Variants in DAGLB observed in about 807,000 individuals in gnomAD.
DAGLB encodes diacylglycerol lipase-beta.
DAGLB carries 66 observed loss-of-function variants against 72.1 expected under a neutral mutation model. The ratio of observed to expected loss-of-function variants is 0.92; its 90% CI spans 0.75 to 1.12. The LOEUF (loss-of-function observed/expected upper bound fraction) is 1.12. Among genes scored for constraint, DAGLB ranks in the 50% most tolerant of loss-of-function variants. The probability of loss-of-function intolerance (pLI) is 0.00; values close to 1 mark genes in which losing one functional copy is unlikely to be tolerated. For synonymous variants in DAGLB, 414 were observed against 359.5 expected (o/e 1.15, Z -1.71); for missense variants, 1,065 against 884.9 (o/e 1.20, Z -2.58).
intron 5 of DAGLB, among the ~76,000 whole-genome samples, chr7:6,432,610 C>T (rs1048529289): frequency 1.4e-5 from 2 of 141,842 alleles, no homozygotes; most frequent in African/African-American, 2.6e-5. Context: ...CAGTAAGCCG[C>T]GATTGTGCCA....
chr7:6,445,016 C>T (rs1784951628), intron 2 of DAGLB, among the ~76,000 whole-genome samples: 1 of 152,176 alleles, frequency 6.6e-6, no homozygotes, highest in South Asian at 2.1e-4. Context: ...CAATTAGAAC[C>T]CTTATACACT....
In DAGLB at chr7:6,410,004, C is replaced by T. The variant is rs371012241; in HGVS notation, c.1852G>A (p.Ala618Thr). The T allele has an allele frequency of 8.3e-5, 134 of 1,613,870 alleles. No individual in the cohort carries two copies. Among genetic ancestry groups the T allele is most frequent in the Non-Finnish European group, 9.7e-5 (114 of 1,179,964 alleles). The change falls in exon 15 of 15, where the codon GCC (alanine) becomes ACC (threonine). Residue 618 changes from alanine to threonine, a missense_variant. Transcript: ENST00000297056. ...FGCCSAAHYS[A>T]KWSHEAEFSK... ...AATTCCGCTTCGTGTGACCACTTGG[C>T]GCTATAGTGAGCAGCAGAGCAGCAG...
At chr7:6,442,748 G>T (rs992378235) in intron 2 of DAGLB, among the ~76,000 whole-genome samples, 12 of 152,098 alleles carry the variant, frequency 7.9e-5, no homozygotes, top group African/African-American at 2.9e-4. Flanking sequence ...TGTTTCTAGA[G>T]GCATACTAAA....
chr7:6,409,969 T>C lies in DAGLB; in HGVS notation c.1887A>G (p.Ile629Met), dbSNP rs767269752. 2 of 1,613,984 alleles carry C rather than the reference T, an allele frequency of 1.2e-6. No homozygotes were observed. The highest frequency in any genetic ancestry group is 1.7e-6 in the Non-Finnish European group (2 of 1,180,006). ...KWSHEAEFSK[I>M]LIGPKMLTDH... is the part of the protein sequence containing the mutation. ...CGGTGAGCATCTTCGGACCTATGAG[T>C]ATTTTGCTGAATTCCGCTTCGTGTG... Residue 629 changes from isoleucine (I) to methionine (M), a missense_variant, in exon 15 of 15, where the codon ATA becomes ATG. Transcript: ENST00000297056.
At chr7:6,416,234 T>G (rs185017292) in intron 11 of DAGLB, 10 of 161,392 alleles carry the variant, frequency 6.2e-5, no homozygotes, top group Admixed American at 5.6e-4. Flanking sequence ...CTTTCTTCTG[T>G]GAAATAGCGC....
chr7:6,426,049 G>A lies in DAGLB; in HGVS notation c.995C>T (p.Ser332Phe). 1 of 1,614,108 alleles carries A rather than the reference G, an allele frequency of 6.2e-7. No homozygotes were observed. The highest frequency in any genetic ancestry group is 8.5e-7 in the Non-Finnish European group (1 of 1,180,014). ...CTGCAGCCCTGTGGTGTGCAGGATG[G>A]AGCCGAAGTGACAGTTGAGCTGATC... ...GGDQLNCHFG[S>F]ILHTTGLQYR... is the part of the protein sequence containing the mutation. Residue 332 changes from serine to phenylalanine, a missense_variant, in exon 7 of 15, where the codon TCC becomes TTC. By Grantham distance (155) the Ser-to-Phe change is radical. Coordinates refer to ENST00000297056, the MANE Select transcript of DAGLB (RefSeq NM_139179.4).
chr7:6,427,037 G>A (rs1217043334), intron 6 of DAGLB, among the ~76,000 whole-genome samples: 4 of 152,184 alleles, frequency 2.6e-5, no homozygotes, highest in African/African-American at 9.7e-5. Context: ...GCAACTGGGA[G>A]GCAGAGGTTG....
intron 8 of DAGLB, chr7:6,422,157 G>GA (rs1583287622): frequency 2.7e-6 from 1 of 372,152 alleles, no homozygotes; most frequent in Non-Finnish European, 5.3e-6. Flanking sequence ...CAGGAGCCCC[G>GA]TAACAGGTGA....
At chr7:6,417,217 T>A in intron 9 of DAGLB, 1 of 266,160 alleles carries the variant, frequency 3.8e-6, no homozygotes, top group South Asian at 5.3e-5. Flanking sequence ...CGACATAGTC[T>A]CTACTAAAAT....
At chr7:6,428,346 A>C (rs1784377815) in intron 6 of DAGLB, among the ~76,000 whole-genome samples, 1 of 151,200 alleles carries the variant, frequency 6.6e-6, no homozygotes, top group Non-Finnish European at 1.5e-5. Context: ...GAAAGAAAGA[A>C]AGAAAAAGAA....
chr7:6,438,119 C>T (rs1363902935), intron 2 of DAGLB, among the ~76,000 whole-genome samples: 1 of 151,944 alleles, frequency 6.6e-6, no homozygotes, highest in East Asian at 1.9e-4. Flanking sequence ...AACCAAACAC[C>T]GCATGTTTTC....
In DAGLB at chr7:6,432,910, T is replaced by A. The variant is rs766954204; in HGVS notation, c.728A>T (p.His243Leu). Residue 243 changes from histidine (H) to leucine (L), a missense_variant, in exon 5 of 15, where the codon CAT becomes CTT. Coordinates refer to ENST00000297056, the MANE Select transcript of DAGLB (RefSeq NM_139179.4). ...SDIAAGLALL[H>L]QQQDNIRNNQ... Reference sequence around the variant, plus strand: ...GTTCCTGATATTGTCCTGTTGCTGATGAAGCAGGGCGAGGCCCGCCGCAAT... The same window carrying A: ...GTTCCTGATATTGTCCTGTTGCTGAAGAAGCAGGGCGAGGCCCGCCGCAAT... 20 of 1,613,586 alleles carry A rather than the reference T, an allele frequency of 1.2e-5. No homozygotes were observed. In the East Asian group the frequency reaches 4.0e-4, roughly 32 times the overall value.
At chr7:6,441,657 T>C (rs1165385948) in intron 2 of DAGLB, among the ~76,000 whole-genome samples, 1 of 151,674 alleles carries the variant, frequency 6.6e-6, no homozygotes, top group African/African-American at 2.4e-5. Context: ...GACCTCATGA[T>C]GCACCCGCCT....
intron 1 of DAGLB, 114 bp from the exon 2 acceptor site, chr7:6,446,218 C>G: frequency 9.1e-7 from 1 of 1,102,558 alleles, no homozygotes; most frequent in Non-Finnish European, 1.2e-6. Context: ...CCTGTAATCA[C>G]AGCACTTTGG....
intron 6 of DAGLB, among the ~76,000 whole-genome samples, chr7:6,428,482 GTTTC>G (rs1299615560): frequency 6.8e-6 from 1 of 148,130 alleles, no homozygotes; most frequent in African/African-American, 2.4e-5. Context: ...TTTTGTTTTG[GTTTC>G]TTTTTTTTTT....
intron 5 of DAGLB, among the ~76,000 whole-genome samples, 192 bp from the exon 6 acceptor site, chr7:6,430,799 T>G: frequency 6.6e-6 from 1 of 151,706 alleles, no homozygotes; most frequent in East Asian, 1.9e-4. Context: ...TTTTTTTTTT[T>G]AGAGTCTCGC....
At position 6,409,889 on chromosome 7, in the gene DAGLB, G is replaced by A. The variant is rs757205077; in HGVS notation, c.1967C>T (p.Ala656Val). The A allele has an allele frequency of 9.9e-6, 16 of 1,614,068 alleles. No homozygotes were observed. The highest frequency in any genetic ancestry group is 1.6e-4 in the Middle Eastern group (1 of 6,062). Residue 656 changes from alanine (A) to valine (V), a missense_variant, in exon 15 of 15, where the codon GCG becomes GTG. Ala to Val is a moderately conservative substitution (Grantham distance 64, BLOSUM62 0). Coordinates refer to ENST00000297056, the MANE Select transcript of DAGLB (RefSeq NM_139179.4). Reference sequence around the variant, plus strand: ...TTGTGCTGGACAGGAGACGCAGGCCGCTCTGTCGGAGACCACGCTGTCCAA... The same window carrying A: ...TTGTGCTGGACAGGAGACGCAGGCCACTCTGTCGGAGACCACGCTGTCCAA... ...RALDSVVSDRAACVSCPAQGV... is the reference protein window; with the variant it reads ...RALDSVVSDRVACVSCPAQGV...
At chr7:6,446,407 C>T (rs545428033) in intron 1 of DAGLB, among the ~76,000 whole-genome samples, 2 of 120,326 alleles carry the variant, frequency 1.7e-5, no homozygotes, top group African/African-American at 3.1e-5. Flanking sequence ...GAACCTGGGA[C>T]GTGGAGGTGG....
At chr7:6,431,322 G>A (rs981352549) in intron 5 of DAGLB, among the ~76,000 whole-genome samples, 11 of 152,082 alleles carry the variant, frequency 7.2e-5, no homozygotes, top group African/African-American at 2.7e-4. Flanking sequence ...CCTGTGGCAG[G>A]AAAATTATCA....
Sources: allele counts gnomAD v4.1 joint callset (sites outside exome capture counted in the v4.1 genomes callset), GRCh38; gene constraint gnomAD v4.1.1; transcripts MANE v1.5; gene names NCBI Gene and HGNC (gene_info 2026-07-23, HGNC 2026-07-21).